PTPRT: variants seen among roughly 807,000 people sequenced by gnomAD.
PTPRT encodes the protein protein tyrosine phosphatase receptor type T, also known as receptor-type tyrosine-protein phosphatase T.
PTPRT carries 56 observed loss-of-function variants against 176.8 expected under a neutral mutation model. The ratio of observed to expected loss-of-function variants is 0.32; its 90% CI spans 0.26 to 0.40. PTPRT has a LOEUF of 0.40. Ranked by LOEUF, PTPRT falls within the 10% of genes least tolerant of loss-of-function variation. The pLI, the probability that PTPRT is intolerant of heterozygous loss-of-function variation, is 1.00. For missense variants in PTPRT, 1,540 were observed against 1,908.2 expected, an observed-to-expected ratio of 0.81 and a Z score of 3.60; for synonymous variants, 783 against 739.0, an observed-to-expected ratio of 1.06 and a Z score of -0.96.
intron 1 of PTPRT, among the ~76,000 whole-genome samples, chr20:43,083,335 T>TGTATATATATATAC (rs2011498998): frequency 1.9e-5 from 2 of 106,808 alleles, no homozygotes; most frequent in African/African-American, 7.4e-5. Context: ...TATATATATA[T>TGTATATATATATAC]ATATATATAT....
intron 5 of PTPRT, among the ~76,000 whole-genome samples, chr20:42,760,027 G>C (rs977422669): frequency 6.6e-6 from 1 of 152,220 alleles, no homozygotes; most frequent in Non-Finnish European, 1.5e-5. Context: ...GTCCCACAAG[G>C]AGTCATGGAG....
chr20:42,101,477 A>T (rs922822673), intron 26 of PTPRT, among the ~76,000 whole-genome samples: 138 of 152,178 alleles, frequency 9.1e-4, no homozygotes, highest in African/African-American at 3.2e-3. Context: ...GGCTCGCTGG[A>T]CCAGGAACAT....
intron 7 of PTPRT, among the ~76,000 whole-genome samples, chr20:42,658,139 T>C (rs1361783274): frequency 2.0e-5 from 3 of 152,182 alleles, no homozygotes; most frequent in East Asian, 3.9e-4. Flanking sequence ...CCATGGCTCC[T>C]AGGAGAAATA....
intron 1 of PTPRT, among the ~76,000 whole-genome samples, chr20:43,077,149 A>G (rs1175545375): frequency 6.6e-6 from 1 of 152,224 alleles, no homozygotes; most frequent in African/African-American, 2.4e-5. Flanking sequence ...TTGATGAATA[A>G]ACAGATTTGG....
At chr20:42,593,609 T>C (rs2073617899) in intron 7 of PTPRT, among the ~76,000 whole-genome samples, 1 of 152,118 alleles carries the variant, frequency 6.6e-6, no homozygotes, top group African/African-American at 2.4e-5. Flanking sequence ...TAAACTCTCA[T>C]CGAAGAGTGG....
At chr20:42,927,178 G>T (rs1038819253) in intron 1 of PTPRT, among the ~76,000 whole-genome samples, 1 of 152,182 alleles carries the variant, frequency 6.6e-6, no homozygotes, top group Non-Finnish European at 1.5e-5. Context: ...GGCAGGTGTT[G>T]GCAGCTCCCA....
At chr20:42,191,690 A>G (rs948532741) in intron 16 of PTPRT, among the ~76,000 whole-genome samples, 1 of 152,150 alleles carries the variant, frequency 6.6e-6, no homozygotes, top group Non-Finnish European at 1.5e-5. Context: ...TGATTCCATT[A>G]CCCTGTGTGA....
At chr20:42,156,064 C>T (rs917537336) in intron 17 of PTPRT, among the ~76,000 whole-genome samples, 1 of 152,182 alleles carries the variant, frequency 6.6e-6, no homozygotes, top group Non-Finnish European at 1.5e-5. Context: ...ACCTGCTGTG[C>T]CCACCCCTGT....
intron 9 of PTPRT, among the ~76,000 whole-genome samples, chr20:42,409,893 G>A (rs1175059276): frequency 6.6e-6 from 1 of 152,172 alleles, no homozygotes; most frequent in Non-Finnish European, 1.5e-5. Context: ...GCAGACTGCA[G>A]TCTCTGAGTA....
intron 7 of PTPRT, among the ~76,000 whole-genome samples, chr20:42,567,330 T>C (rs1319117264): frequency 6.6e-6 from 1 of 151,794 alleles, no homozygotes; most frequent in Admixed American, 6.6e-5. Flanking sequence ...ATTTTTAAAA[T>C]AGCTGTATTG....
intron 7 of PTPRT, among the ~76,000 whole-genome samples, chr20:42,649,498 T>C (rs2074989297): frequency 6.6e-6 from 1 of 152,244 alleles, no homozygotes; most frequent in South Asian, 2.1e-4. Context: ...GGCAGTCTGA[T>C]TTCAGAATCA....
chr20:42,507,278 C>A (rs958234519), intron 7 of PTPRT, among the ~76,000 whole-genome samples: 2 of 152,046 alleles, frequency 1.3e-5, no homozygotes, highest in African/African-American at 4.8e-5. Context: ...ATCACAAATT[C>A]TAATTATATG....
At chr20:42,172,889 A>T (rs1357997945) in intron 16 of PTPRT, among the ~76,000 whole-genome samples, 1 of 152,074 alleles carries the variant, frequency 6.6e-6, no homozygotes, top group African/African-American at 2.4e-5. Flanking sequence ...AGATTCTGGG[A>T]GACTGCAGCA....
intron 1 of PTPRT, among the ~76,000 whole-genome samples, chr20:43,159,437 T>G (rs1462821391): frequency 6.6e-6 from 1 of 152,192 alleles, no homozygotes. Flanking sequence ...TGAGCCTCAG[T>G]TTTCCATCTA....
intron 1 of PTPRT, among the ~76,000 whole-genome samples, chr20:43,140,443 AGTGTGTGTGTGT>A (rs6147356): frequency 0.061 from 8,908 of 146,880 alleles, 812 homozygotes; most frequent in African/African-American, 0.2. Context: ...ACCTCTGGGT[AGTGTGTGTGTGT>A]GTGTGTGTGT....
chr20:42,987,753 T>C (rs1194956472), intron 1 of PTPRT, among the ~76,000 whole-genome samples: 1 of 151,396 alleles, frequency 6.6e-6, no homozygotes, highest in Non-Finnish European at 1.5e-5. Context: ...AATTCACCCA[T>C]ACAGATAAAC....
In PTPRT at chr20:42,866,600, G is replaced by C. The variant is rs138187040; in HGVS notation, c.214+19207C>G. 5.1e-3 allele frequency among the ~76,000 whole-genome samples: 781 copies of C among 152,238 alleles called. 16 individuals are homozygous for C. Among genetic ancestry groups the C allele is most frequent in the Admixed American group, 0.035 (542 of 15,288 alleles). The stretch of plus-strand genomic sequence containing the variant: ...AGTGGTTATCCTAAAAGATAAATCT[G>C]ATCAAACATTCCCTGACTTAATCTC... On this transcript the variant is annotated intron_variant, in intron 2 of 30. Coordinates refer to ENST00000373187, the MANE Select transcript of PTPRT (RefSeq NM_007050.6).
chr20:42,536,793 G>A (rs190972700), intron 7 of PTPRT, among the ~76,000 whole-genome samples: 44 of 152,220 alleles, frequency 2.9e-4, no homozygotes, highest in Admixed American at 2.3e-3. Flanking sequence ...AAAGATAGAG[G>A]AAATAGACAC....
At chr20:42,593,392 T>G (rs894504002) in intron 7 of PTPRT, among the ~76,000 whole-genome samples, 5 of 152,194 alleles carry the variant, frequency 3.3e-5, no homozygotes, top group African/African-American at 1.2e-4. Context: ...CTGTCTGCCC[T>G]CTCAGTCACT....
Sources: allele counts gnomAD v4.1 joint callset (sites outside exome capture counted in the v4.1 genomes callset), GRCh38; gene constraint gnomAD v4.1.1; transcripts MANE v1.5; gene names NCBI Gene and HGNC (gene_info 2026-07-23, HGNC 2026-07-21).